EVI5: variants seen among roughly 807,000 people sequenced by gnomAD.
EVI5 encodes ecotropic viral integration site 5, also known as ecotropic viral integration site 5 protein homolog.
EVI5 carries 73 observed loss-of-function variants against 112.0 expected under a neutral mutation model. The ratio of observed to expected loss-of-function variants is 0.65; its 90% CI spans 0.54 to 0.79. The LOEUF is 0.79. Among genes scored for constraint, EVI5 ranks in the 30% least tolerant of loss-of-function variants. EVI5 has a pLI of 0.00. For synonymous variants in EVI5, 305 were observed against 319.9 expected (o/e 0.95, Z 0.50); for missense variants, 900 against 968.8 (o/e 0.93, Z 0.94).
chr1:92,557,310 C>T (rs962027809), intron 19 of EVI5, among the ~76,000 whole-genome samples: 17 of 149,978 alleles, frequency 1.1e-4, no homozygotes, highest in Admixed American at 2.0e-4. Context: ...TTTTTTGAGA[C>T]GGAGTCTCTG....
At chr1:92,736,289 CTTTGATAAAT>C in intron 2 of EVI5, 99 bp downstream of exon 2, 1 of 691,166 alleles carries the variant, frequency 1.4e-6, no homozygotes, top group Non-Finnish European at 2.5e-6. Flanking sequence ...CTGTAAATAA[CTTTGATAAAT>C]AAGAAACCAA....
At chr1:92,580,610 C>T in intron 18 of EVI5, 1 of 191,160 alleles carries the variant, frequency 5.2e-6, no homozygotes, top group African/African-American at 2.5e-5. Flanking sequence ...AGGGAGGTGC[C>T]AAAACATGCT....
intron 9 of EVI5, among the ~76,000 whole-genome samples, chr1:92,687,151 T>C (rs796469186): frequency 6.6e-6 from 1 of 152,182 alleles, no homozygotes; most frequent in African/African-American, 2.4e-5. Flanking sequence ...ACTACAAGGC[T>C]ACAGTAACCA....
intron 14 of EVI5, among the ~76,000 whole-genome samples, chr1:92,629,847 C>A (rs1021473482): frequency 5.2e-5 from 7 of 133,702 alleles, no homozygotes; most frequent in Non-Finnish European, 1.1e-4. Flanking sequence ...CCCCAGGGTG[C>A]GATGTTCCCC....
intron 7 of EVI5, among the ~76,000 whole-genome samples, chr1:92,694,624 G>T (rs1471039214): frequency 1.3e-5 from 2 of 152,156 alleles, no homozygotes; most frequent in African/African-American, 2.4e-5. Context: ...ATAAATAAAT[G>T]GGCAGGGTTG....
chr1:92,594,833 C>T (rs1400768471), intron 18 of EVI5, among the ~76,000 whole-genome samples: 2 of 150,884 alleles, frequency 1.3e-5, no homozygotes, highest in East Asian at 3.9e-4. Context: ...TCATCACTGG[C>T]CATCAGAGAA....
chr1:92,718,646 A>G (rs1327628001), intron 2 of EVI5, among the ~76,000 whole-genome samples: 1 of 152,214 alleles, frequency 6.6e-6, no homozygotes, highest in Non-Finnish European at 1.5e-5. Flanking sequence ...GAGAAGCAAG[A>G]GCAAACAAAT....
chr1:92,765,254 C>A (rs1397442962), intron 1 of EVI5, among the ~76,000 whole-genome samples: 1 of 142,328 alleles, frequency 7.0e-6, no homozygotes, highest in Non-Finnish European at 1.5e-5. Context: ...AGGGTCTCAC[C>A]ATGTTGCCCA....
intron 18 of EVI5, among the ~76,000 whole-genome samples, chr1:92,588,739 T>G (rs1002541204): frequency 6.6e-6 from 1 of 152,218 alleles, no homozygotes; most frequent in Non-Finnish European, 1.5e-5. Flanking sequence ...CCCATAAATA[T>G]CTACAAAATT....
At chr1:92,650,722 T>A (rs1442027422) in intron 13 of EVI5, among the ~76,000 whole-genome samples, 1 of 152,184 alleles carries the variant, frequency 6.6e-6, no homozygotes, top group Non-Finnish European at 1.5e-5. Context: ...AAATAATTTC[T>A]TAAATTACTC....
At chr1:92,783,975 G>T (rs1043033224) in intron 1 of EVI5, among the ~76,000 whole-genome samples, 3 of 152,132 alleles carry the variant, frequency 2.0e-5, no homozygotes, top group Admixed American at 6.5e-5. Context: ...AGTAAGCACT[G>T]GAATTCATTC....
chr1:92,516,257 G>C (rs1659853714), intron 19 of EVI5, among the ~76,000 whole-genome samples: 1 of 152,156 alleles, frequency 6.6e-6, no homozygotes, highest in African/African-American at 2.4e-5. Context: ...TATAAAGGAG[G>C]AGTATGGCAG....
rs1025085462 is a variant in EVI5, at chr1:92,743,657, A to T, written c.-81-7030T>A. ...TAGACTTAAAATGGTTAAAACTGTA[A>T]ATTTTGTTATGAATACTTTATCACA... On this transcript the variant is annotated intron_variant, in intron 1 of 19. Coordinates refer to ENST00000684568, the MANE Select transcript of EVI5 (RefSeq NM_001350197.2). 5.3e-5 allele frequency among the ~76,000 whole-genome samples: 8 copies of T among 152,128 alleles called. No individual in the cohort carries two copies. In the East Asian group the frequency reaches 1.5e-3, roughly 29 times the overall value.
chr1:92,739,944 G>T (rs1478302000), intron 1 of EVI5, among the ~76,000 whole-genome samples: 1 of 145,592 alleles, frequency 6.9e-6, no homozygotes, highest in Non-Finnish European at 1.5e-5. Flanking sequence ...AAACCCAACA[G>T]ATCTTTAAAT....
intron 19 of EVI5, among the ~76,000 whole-genome samples, chr1:92,539,891 G>A (rs1185936473): frequency 6.6e-6 from 1 of 152,052 alleles, no homozygotes; most frequent in African/African-American, 2.4e-5. Context: ...CCAACCCCAA[G>A]GAACCACTAA....
At chr1:92,776,018 G>A (rs1044001854) in intron 1 of EVI5, among the ~76,000 whole-genome samples, 1 of 151,158 alleles carries the variant, frequency 6.6e-6, no homozygotes, top group Non-Finnish European at 1.5e-5. Flanking sequence ...TGAGGCAGGA[G>A]AATGGCGTGA....
At chr1:92,742,114 A>G (rs35191599) in intron 1 of EVI5, among the ~76,000 whole-genome samples, 1 of 152,064 alleles carries the variant, frequency 6.6e-6, no homozygotes, top group African/African-American at 2.4e-5. Flanking sequence ...TAATAACACA[A>G]AAAAAAACAA....
chr1:92,527,680 T>C (rs1662159311), intron 19 of EVI5, among the ~76,000 whole-genome samples: 1 of 152,204 alleles, frequency 6.6e-6, no homozygotes, highest in Non-Finnish European at 1.5e-5. Flanking sequence ...TTCTGATATC[T>C]ACCATCACAC....
intron 2 of EVI5, among the ~76,000 whole-genome samples, chr1:92,707,139 A>G (rs992579746): frequency 6.1e-4 from 86 of 140,088 alleles, no homozygotes; most frequent in African/African-American, 2.2e-3. Context: ...AGATCGTGCC[A>G]TTGCACTCCA....
Sources: gnomAD v4.1 joint callset for allele counts (sites outside exome capture counted in the v4.1 genomes callset) on GRCh38, gnomAD v4.1.1 for gene constraint, MANE v1.5 for transcripts, NCBI Gene and HGNC (gene_info 2026-07-23, HGNC 2026-07-21) for gene names.